ERCC6: variants seen among roughly 807,000 people sequenced by gnomAD.
ERCC6 encodes ERCC excision repair 6, chromatin remodeling factor.
Under a neutral mutation model 158.7 loss-of-function variants are expected in ERCC6, and 116 were observed. That is an observed-to-expected ratio of 0.73 (90% CI 0.63 to 0.85). The LOEUF is 0.85. ERCC6 is among the 40% of genes least tolerant of loss of function. The pLI is 0.00. For synonymous variants in ERCC6, 678 were observed against 659.3 expected (o/e 1.03, Z -0.43); for missense variants, 1,698 against 1,799.4 (o/e 0.94, Z 1.02).
At chr10:49,521,367 C>G (rs1837155611) in intron 5 of ERCC6, among the ~76,000 whole-genome samples, 1 of 152,180 alleles carries the variant, frequency 6.6e-6, no homozygotes, top group African/African-American at 2.4e-5. Context: ...TAGGTGCTCA[C>G]CGGGAACCCA....
Position 49,460,362 on chromosome 10 carries a change from A to T in ERCC6, c.4062+11T>A. ...TCTCACCCTGGAAAGCAAAAAGGTT[A>T]TCTATATTACCTGGCACTTCTCTGT... On this transcript the variant is annotated intron_variant, in intron 20 of 20. Coordinates refer to ENST00000355832, the MANE Select transcript of ERCC6 (RefSeq NM_000124.4). 6.3e-7 allele frequency: 1 copy of T among 1,595,162 alleles called. No individual in the cohort carries two copies. The highest frequency in any genetic ancestry group is 8.6e-7 in the Non-Finnish European group (1 of 1,162,704).
intron 8 of ERCC6, among the ~76,000 whole-genome samples, chr10:49,492,311 G>T (rs1851188583): frequency 6.6e-6 from 1 of 152,144 alleles, no homozygotes; most frequent in African/African-American, 2.4e-5. Context: ...CAAGAGCTCA[G>T]AAGACTCAGG....
Position 49,524,604 on chromosome 10 carries a change from C to T in ERCC6, c.826G>A (p.Ala276Thr), listed in dbSNP as rs1442559004. 6.2e-7 allele frequency: 1 copy of T among 1,614,194 alleles called. No homozygotes were observed. Among genetic ancestry groups the T allele is most frequent in the South Asian group, 1.1e-5 (1 of 91,086 alleles). The change falls in exon 5 of 21, where the codon GCA (alanine) becomes ACA (threonine). Residue 276 changes from alanine to threonine, a missense_variant. By Grantham distance (58) the Ala-to-Thr change is moderately conservative. Transcript: ENST00000355832. ...NEASGFEKYLADQAKLSFERK... is the reference protein window; with the variant it reads ...NEASGFEKYLTDQAKLSFERK... ...TCAAAAGACAGTTTTGCTTGATCTG[C>T]CAAATACTTTTCGAAGCCTGATGCT...
chr10:49,538,654 C>T (rs996404888), intron 1 of ERCC6, among the ~76,000 whole-genome samples: 1 of 152,206 alleles, frequency 6.6e-6, no homozygotes, highest in African/African-American at 2.4e-5. Context: ...GCATTTTAAT[C>T]GAGATCAAAA....
chr10:49,473,990 A>C (rs1257317122), intron 13 of ERCC6, 37 bp downstream of exon 13: 5 of 1,573,932 alleles, frequency 3.2e-6, no homozygotes, highest in Non-Finnish European at 4.4e-6. Context: ...TGTCATAAAG[A>C]ACCAGCCTGT....
rs745333287 is a variant in ERCC6 at position 49,483,526 on chromosome 10, C to T, written c.1822-10G>A. ...CTCGAATTAGTTTCTCCTGAGACCA[C>T]AATAAAATGGTAAAGTCAGTTTTAA... On this transcript the variant is annotated splice_polypyrimidine_tract_variant and intron_variant, in intron 8 of 20. Transcript: ENST00000355832. 1.3e-5 allele frequency: 21 copies of T among 1,613,566 alleles called. No homozygotes were observed. The African/African-American group carries it at 2.0e-4, about 15-fold the overall frequency.
intron 8 of ERCC6, among the ~76,000 whole-genome samples, chr10:49,490,847 A>C (rs1220457182): frequency 6.6e-6 from 1 of 152,240 alleles, no homozygotes; most frequent in Non-Finnish European, 1.5e-5. Context: ...TATTAAATTC[A>C]GACAGAACAG....
chr10:49,495,678 G>C (rs1349265695), intron 7 of ERCC6, among the ~76,000 whole-genome samples: 1 of 152,102 alleles, frequency 6.6e-6, no homozygotes, highest in African/African-American at 2.4e-5. Context: ...TTGTCCCACT[G>C]TCCAGGTGCC....
downstream of ERCC6, among the ~76,000 whole-genome samples, chr10:49,450,554 A>T (rs1283134102): frequency 2.6e-5 from 4 of 152,206 alleles, no homozygotes; most frequent in African/African-American, 9.6e-5. Flanking sequence ...AGAGATTCTG[A>T]CAGGGATTAT....
chr10:49,534,061 G>A (rs376340387), intron 1 of ERCC6, among the ~76,000 whole-genome samples: 1 of 145,504 alleles, frequency 6.9e-6, no homozygotes, highest in African/African-American at 2.5e-5. Context: ...TTGAACCCAG[G>A]AGGCGGAGGT....
chr10:49,492,718 T>C (rs1851196109), intron 8 of ERCC6, among the ~76,000 whole-genome samples: 1 of 152,218 alleles, frequency 6.6e-6, no homozygotes, highest in African/African-American at 2.4e-5. Flanking sequence ...ACAAATGCAT[T>C]TACCAATTAA....
chr10:49,524,544 T>C lies in ERCC6; in HGVS notation c.886A>G (p.Arg296Gly), dbSNP rs115643329. The change falls in exon 5 of 21, where the codon AGA becomes GGA. Residue 296 changes from arginine to glycine, a missense_variant. Physicochemically the swap from Arg to Gly is moderately radical, Grantham distance 125. Transcript: ENST00000355832. ...KKQGCNKRAA[R>G]KAPAPVTPPA... ...GGCGTGACTGGGGCTGGAGCTTTTCTAGCTGCTCTTTTATTACAACCTTGC... is the reference window on the plus strand; with the variant it reads ...GGCGTGACTGGGGCTGGAGCTTTTCCAGCTGCTCTTTTATTACAACCTTGC... 7.9e-5 allele frequency: 127 copies of C among 1,614,250 alleles called. No homozygotes were observed. The African/African-American group carries it at 1.4e-3, about 18-fold the overall frequency.
chr10:49,476,998 C>T (rs1048097085), intron 11 of ERCC6, among the ~76,000 whole-genome samples: 3 of 152,060 alleles, frequency 2.0e-5, no homozygotes, highest in African/African-American at 2.4e-5. Flanking sequence ...TGGTCAGTGC[C>T]GGTGCTGCTG....
At position 49,526,115 on chromosome 10, in the gene ERCC6, TTTTATATATA is replaced by T. The variant is rs1467277423; in HGVS notation, c.653-1348_653-1339del. Among the ~76,000 whole-genome samples the T allele has an allele frequency of 1.1e-3, 117 of 105,420 alleles. 1 individual carries two copies. Among genetic ancestry groups the T allele is most frequent in the African/African-American group, 3.8e-3 (93 of 24,470 alleles). The allele number at this position is 105,420 out of a possible 152,430, so 69.2% of individuals were successfully genotyped here. On this transcript the variant is annotated intron_variant, in intron 4 of 20. Coordinates refer to ENST00000355832, the MANE Select transcript of ERCC6 (RefSeq NM_000124.4). The stretch of plus-strand genomic sequence containing the variant: ...TTTATATATTTATATATTTATATAT[TTTTATATATA>T]TATATATATATATATATATATATAT...
At chr10:49,508,464 A>G (rs1357046409) in intron 5 of ERCC6, among the ~76,000 whole-genome samples, 2 of 152,244 alleles carry the variant, frequency 1.3e-5, no homozygotes, top group South Asian at 4.1e-4. Flanking sequence ...GAAACCACAT[A>G]AGCCACTACA....
chr10:49,491,270 T>C (rs909034230), intron 8 of ERCC6, among the ~76,000 whole-genome samples: 1 of 152,228 alleles, frequency 6.6e-6, no homozygotes, highest in Non-Finnish European at 1.5e-5. Context: ...TTGATACATA[T>C]AAAAGTACAT....
At chr10:49,478,240 A>G in intron 11 of ERCC6, 114 bp downstream of exon 11, 1 of 859,600 alleles carries the variant, frequency 1.2e-6, no homozygotes, top group East Asian at 2.4e-5. Context: ...TAGCCTGCCC[A>G]CAGTTCCAGG....
Position 49,472,706 on chromosome 10 carries a change from T to C in ERCC6, c.2829+203A>G, listed in dbSNP as rs558894227. On this transcript the variant is annotated intron_variant, in intron 15 of 20. Coordinates refer to ENST00000355832, the MANE Select transcript of ERCC6 (RefSeq NM_000124.4). ...GTTCTTTTTACCCCAACTCTAGGAA[T>C]GAATGCTATGGATAAACTGCTGAAG... 1.6e-3 allele frequency: 1,173 copies of C among 740,076 alleles called. 2 individuals carry two copies. Among genetic ancestry groups the C allele is most frequent in the Admixed American group, 3.2e-3 (127 of 39,168 alleles). The allele number at this position is 740,076 out of a possible 1,614,324, so 45.8% of individuals were successfully genotyped here.
At chr10:49,538,768 T>A (rs973989983) in intron 1 of ERCC6, among the ~76,000 whole-genome samples, 194 bp downstream of exon 1, 7 of 152,304 alleles carry the variant, frequency 4.6e-5, no homozygotes, top group South Asian at 4.1e-4. Flanking sequence ...GAGCGCTCCT[T>A]GGCGCTACTT....
Sources: gnomAD v4.1 joint callset for allele counts (sites outside exome capture counted in the v4.1 genomes callset) on GRCh38, gnomAD v4.1.1 for gene constraint, MANE v1.5 for transcripts, NCBI Gene and HGNC (gene_info 2026-07-23, HGNC 2026-07-21) for gene names.